SORCS1: variants seen among roughly 807,000 people sequenced by gnomAD.
The protein encoded by SORCS1 is VPS10 domain-containing receptor SorCS1.
A neutral mutation model predicts 146.1 loss-of-function variants in SORCS1; 60 were observed. That is an observed-to-expected ratio of 0.41 (90% CI 0.33 to 0.51). The LOEUF (loss-of-function observed/expected upper bound fraction) is 0.51, where lower values mean the gene tolerates loss of function less well. Among genes scored for constraint, SORCS1 ranks in the 20% least tolerant of loss-of-function variants. SORCS1 has a pLI of 0.21. For missense variants in SORCS1, 1,352 were observed against 1,487.6 expected (o/e 0.91, Z 1.50); for synonymous variants, 637 against 584.0 (o/e 1.09, Z -1.31).
rs139132974 is a variant in SORCS1, at chr10:106,579,388, C to T, written c.3352G>A (p.Val1118Ile). 1,852 of 1,613,890 alleles carry T rather than the reference C, an allele frequency of 1.1e-3. 7 individuals carry two copies. Among genetic ancestry groups the T allele is most frequent in the South Asian group, 3.2e-3 (289 of 91,060 alleles). ...ACGCACCTTTTAAACTTGTAGATGA[C>T]GAACACTGCCAGCCCCACAAACACC... ...SVVFVGLAVF[V>I]IYKFKRRVAL... The change falls in exon 25 of 26, where the codon GTC becomes ATC. Residue 1118 changes from valine to isoleucine, a missense_variant. Physicochemically the swap from Val to Ile is conservative, Grantham distance 29 (BLOSUM62 3). This residue lies in a region of SORCS1 where 214 missense variants were observed against 204.8 expected (regional missense o/e 1.05). Coordinates refer to ENST00000263054, the MANE Select transcript of SORCS1 (RefSeq NM_052918.5).
rs1017747859 is a variant in SORCS1, at chr10:106,960,302, A to T, written c.559-3722T>A. Among the ~76,000 whole-genome samples, 8 of 152,218 alleles carry T rather than the reference A, an allele frequency of 5.3e-5. No individual in the cohort carries two copies. The highest frequency in any genetic ancestry group is 1.2e-4 in the Non-Finnish European group (8 of 68,034). ...CGCCAGTCTAGGACTTGCTGTCAGC[A>T]CATGACATTTGTACTTCTTTCACTG... On this transcript the variant is annotated intron_variant, in intron 1 of 25. Transcript: ENST00000263054. This position sits in a 1 kb window ranked among gnomAD's most constrained non-coding sequence, Gnocchi z 4.4.
chr10:107,055,836 T>C (rs1960569077), intron 1 of SORCS1, among the ~76,000 whole-genome samples: 1 of 152,198 alleles, frequency 6.6e-6, no homozygotes, highest in Admixed American at 6.5e-5. Flanking sequence ...GCATGAGCCA[T>C]GTCAGGACAG....
intron 2 of SORCS1, among the ~76,000 whole-genome samples, chr10:106,877,173 T>G (rs1950618081): frequency 6.6e-6 from 1 of 152,162 alleles, no homozygotes; most frequent in South Asian, 2.1e-4. Flanking sequence ...TTCTACAAAT[T>G]ATGAACAATA....
intron 8 of SORCS1, among the ~76,000 whole-genome samples, chr10:106,703,937 C>T (rs1177593014): frequency 6.6e-6 from 1 of 152,168 alleles, no homozygotes; most frequent in Non-Finnish European, 1.5e-5. Flanking sequence ...TGCATTCTAC[C>T]CTCAGAACCC....
intron 4 of SORCS1, among the ~76,000 whole-genome samples, chr10:106,769,673 T>C (rs1447766498): frequency 2.6e-5 from 4 of 152,174 alleles, no homozygotes; most frequent in African/African-American, 9.7e-5. Flanking sequence ...AAATTCACTT[T>C]TATGCATGTT....
intron 1 of SORCS1, among the ~76,000 whole-genome samples, chr10:107,002,135 A>G (rs2139629114): frequency 6.6e-6 from 1 of 152,298 alleles, no homozygotes; most frequent in South Asian, 2.1e-4. Flanking sequence ...AAATCATCCT[A>G]TCTCATTATT....
intron 5 of SORCS1, among the ~76,000 whole-genome samples, chr10:106,743,126 T>C (rs1857475294): frequency 6.6e-6 from 1 of 152,040 alleles, no homozygotes; most frequent in South Asian, 2.1e-4. Flanking sequence ...AAGTTGGTTT[T>C]GAAAATATCT....
At position 107,138,817 on chromosome 10, in the gene SORCS1, C is replaced by T. The variant is rs138357266; in HGVS notation, c.558+25152G>A. On this transcript the variant is annotated intron_variant, in intron 1 of 25. Coordinates refer to ENST00000263054, the MANE Select transcript of SORCS1 (RefSeq NM_052918.5). Reference sequence around the variant, plus strand: ...GGTAAGTGAAGCCTCAGTGCCTCTACGCGGTCCATACTTTCCGCTGTCCCT... The same window carrying T: ...GGTAAGTGAAGCCTCAGTGCCTCTATGCGGTCCATACTTTCCGCTGTCCCT... Among the ~76,000 whole-genome samples, 208 of 152,296 alleles carry T rather than the reference C, an allele frequency of 1.4e-3. 1 individual carries two copies. Among genetic ancestry groups the T allele is most frequent in the Non-Finnish European group, 2.2e-3 (148 of 68,028 alleles).
chr10:106,849,161 G>A (rs903940274), intron 2 of SORCS1, among the ~76,000 whole-genome samples: 2 of 147,406 alleles, frequency 1.4e-5, no homozygotes, highest in Non-Finnish European at 3.0e-5. Context: ...AGTTCTCCTG[G>A]ATAATATCCT....
chr10:106,690,083 T>C (rs887549739), intron 9 of SORCS1, among the ~76,000 whole-genome samples: 7 of 152,218 alleles, frequency 4.6e-5, no homozygotes, highest in African/African-American at 1.7e-4. Flanking sequence ...TCAACAAATG[T>C]GGAAGGCATA....
intron 11 of SORCS1, 80 bp from the exon 12 acceptor site, chr10:106,679,412 G>A (rs552393800): frequency 8.2e-7 from 1 of 1,214,500 alleles, no homozygotes; most frequent in East Asian, 2.3e-5. Context: ...TGCACTGCCT[G>A]AGAAAGATTT....
At chr10:107,102,202 C>A (rs1435749584) in intron 1 of SORCS1, among the ~76,000 whole-genome samples, 1 of 152,138 alleles carries the variant, frequency 6.6e-6, no homozygotes, top group African/African-American at 2.4e-5. Context: ...AAGGACTTGT[C>A]ATTATCGAGC....
intron 2 of SORCS1, among the ~76,000 whole-genome samples, chr10:106,905,184 C>T (rs759774459): frequency 4.6e-5 from 7 of 151,730 alleles, no homozygotes; most frequent in Non-Finnish European, 1.0e-4. Context: ...AGAAAAATAC[C>T]AAATTGCTAA....
At chr10:106,733,365 G>A (rs1280937670) in intron 5 of SORCS1, among the ~76,000 whole-genome samples, 3 of 152,164 alleles carry the variant, frequency 2.0e-5, no homozygotes, top group African/African-American at 7.2e-5. Context: ...AGTATCTCTA[G>A]CAGTTACAGA....
chr10:107,051,949 G>T (rs772066512), intron 1 of SORCS1, among the ~76,000 whole-genome samples: 1 of 152,124 alleles, frequency 6.6e-6, no homozygotes, highest in Admixed American at 6.6e-5. Context: ...GTCCTACCCT[G>T]CCTTGGTCTT....
chr10:107,046,179 C>T (rs779586406), intron 1 of SORCS1, among the ~76,000 whole-genome samples: 9 of 152,018 alleles, frequency 5.9e-5, no homozygotes, highest in South Asian at 2.1e-4. Flanking sequence ...CTCTTGAATT[C>T]GTGATCCGCC....
At chr10:106,932,230 T>C (rs191440392) in intron 2 of SORCS1, among the ~76,000 whole-genome samples, 243 of 152,300 alleles carry the variant, frequency 1.6e-3, no homozygotes, top group Middle Eastern at 6.8e-3. Flanking sequence ...TTTTTGAGAA[T>C]TACATGATTT....
At chr10:106,812,147 C>T (rs1947492418) in intron 3 of SORCS1, among the ~76,000 whole-genome samples, 1 of 152,088 alleles carries the variant, frequency 6.6e-6, no homozygotes, top group Admixed American at 6.6e-5. Flanking sequence ...ACTACAGGCG[C>T]CCGCCACTGC....
chr10:106,934,181 G>A (rs1953570900), intron 2 of SORCS1, among the ~76,000 whole-genome samples: 1 of 151,846 alleles, frequency 6.6e-6, no homozygotes. Flanking sequence ...AAAAGGAAAC[G>A]TTTATACACT....
Sources: allele counts gnomAD v4.1 joint callset (sites outside exome capture counted in the v4.1 genomes callset), GRCh38; gene constraint gnomAD v4.1.1; regional missense constraint gnomAD v4.1.1; non-coding constraint Gnocchi (gnomAD v3.1); transcripts MANE v1.5; gene names NCBI Gene and HGNC (gene_info 2026-07-23, HGNC 2026-07-21).